RASGRP3: variants seen among roughly 807,000 people sequenced by gnomAD.
RASGRP3 encodes ras guanyl-releasing protein 3.
A neutral mutation model predicts 82.7 loss-of-function variants in RASGRP3; 54 were observed. That is an observed-to-expected ratio of 0.65 (90% CI 0.52 to 0.82). RASGRP3 has a LOEUF of 0.82. RASGRP3 is among the 40% of genes least tolerant of loss of function. The pLI, the probability that RASGRP3 is intolerant of heterozygous loss-of-function variation, is 0.00. For missense variants in RASGRP3, 861 were observed against 828.9 expected, an observed-to-expected ratio of 1.04 and a Z score of -0.48; for synonymous variants, 309 against 300.5, an observed-to-expected ratio of 1.03 and a Z score of -0.29.
chr2:33,548,711 A>T (rs182960626), intron 13 of RASGRP3, among the ~76,000 whole-genome samples: 15 of 152,020 alleles, frequency 9.9e-5, no homozygotes, highest in Non-Finnish European at 1.8e-4. Context: ...TATTATTATT[A>T]TTATTATTTT....
chr2:33,538,829 A>T (rs1296166077), intron 11 of RASGRP3, among the ~76,000 whole-genome samples: 1 of 152,140 alleles, frequency 6.6e-6, no homozygotes, highest in Non-Finnish European at 1.5e-5. Context: ...GCTTGAGCCC[A>T]GGAGTTAGAG....
intron 2 of RASGRP3, among the ~76,000 whole-genome samples, chr2:33,468,353 T>C (rs2150910851): frequency 6.6e-6 from 1 of 152,310 alleles, no homozygotes; most frequent in African/African-American, 2.4e-5. Context: ...GTAACTTTTA[T>C]ATCTCACTTA....
chr2:33,502,323 G>T (rs1307721861), intron 1 of RASGRP3, among the ~76,000 whole-genome samples: 1 of 151,952 alleles, frequency 6.6e-6, no homozygotes, highest in Admixed American at 6.6e-5. Flanking sequence ...GGGGGGTGTA[G>T]ATACCTTCAC....
chr2:33,524,679 G>C lies in RASGRP3; in HGVS notation c.807+131G>C. Reference sequence around the variant, plus strand: ...TTAAACCAGTGGTAGGTTATAAATGGGGACAAAGTAGAAAGGGAATAACCA... The same window carrying C: ...TTAAACCAGTGGTAGGTTATAAATGCGGACAAAGTAGAAAGGGAATAACCA... On this transcript the variant is annotated intron_variant, in intron 9 of 17. Transcript: ENST00000403687. The C allele has an allele frequency of 6.1e-6, 4 of 658,370 alleles. No homozygotes were observed. The South Asian group carries it at 8.3e-5, about 14-fold the overall frequency. 40.8% of individuals were successfully genotyped at this position (658,370 alleles called of 1,614,324 possible).
intron 10 of RASGRP3, among the ~76,000 whole-genome samples, chr2:33,529,138 T>G (rs909389692): frequency 3.9e-5 from 6 of 152,080 alleles, no homozygotes; most frequent in Non-Finnish European, 5.9e-5. Flanking sequence ...GAGTTATAAA[T>G]GAAACAAGCA....
chr2:33,499,562 A>G (rs985769624), intron 1 of RASGRP3, among the ~76,000 whole-genome samples: 3 of 152,296 alleles, frequency 2.0e-5, no homozygotes, highest in Admixed American at 2.0e-4. Context: ...GCATCTCAAA[A>G]CAAAACAAAA....
rs557538729 is a variant in RASGRP3, at chr2:33,540,797, T to C, written c.1278+1587T>C. On this transcript the variant is annotated intron_variant, in intron 12 of 17. Coordinates refer to ENST00000403687, the MANE Select transcript of RASGRP3 (RefSeq NM_001139488.2). ...AATATGGATGTTAAACTATAAATAG[T>C]AGGCATTCCAAAATAGTTAACTTTT... is the stretch of plus-strand genomic sequence containing the variant. Among the ~76,000 whole-genome samples the C allele has an allele frequency of 4.1e-5, 6 of 145,860 alleles. 1 individual carries two copies. Among genetic ancestry groups the C allele is most frequent in the Admixed American group, 1.4e-4 (2 of 14,002 alleles).
chr2:33,505,262 G>T (rs1030002024), intron 1 of RASGRP3, among the ~76,000 whole-genome samples: 7 of 151,542 alleles, frequency 4.6e-5, no homozygotes, highest in African/African-American at 7.3e-5. Flanking sequence ...GGGAATTTGA[G>T]ACCAGGTACT....
rs963977702 is a variant in RASGRP3, at chr2:33,563,067, C to T, written c.*330C>T. 9.5e-6 allele frequency: 3 copies of T among 314,344 alleles called. No homozygotes were observed. The highest frequency in any genetic ancestry group is 7.4e-5 in the African/African-American group (3 of 40,388). 19.5% of individuals were successfully genotyped at this position (314,344 alleles called of 1,614,324 possible). A position where few individuals can be genotyped will look rare whatever the true frequency, so the allele number is the denominator to read the frequency against. ...AAAGCTTTTTTGCATGTACTTGATA[C>T]TCAGTCTGTAAACTCAGACTTCGCT... On this transcript the variant is annotated 3_prime_UTR_variant, in exon 18 of 18. Coordinates refer to ENST00000403687, the MANE Select transcript of RASGRP3 (RefSeq NM_001139488.2).
At chr2:33,544,655 A>G (rs1352578934) in intron 13 of RASGRP3, among the ~76,000 whole-genome samples, 1 of 152,210 alleles carries the variant, frequency 6.6e-6, no homozygotes, top group Non-Finnish European at 1.5e-5. Flanking sequence ...AAATTAAATT[A>G]CATTAAAATT....
intron 4 of RASGRP3, 84 bp from the exon 5 acceptor site, chr2:33,519,868 G>A: frequency 2.2e-6 from 2 of 916,770 alleles, no homozygotes; most frequent in South Asian, 1.5e-5. Flanking sequence ...CCTCTTATTA[G>A]GAATTGGTAT....
rs78487506 is a variant in RASGRP3 at position 33,458,507 on chromosome 2, C to A, written c.-261+10564C>A. On this transcript the variant is annotated intron_variant, in intron 2 of 18. Coordinates refer to the RASGRP3 transcript ENST00000402538. ...TCACTACAAAGCCCCAGATCAAACT[C>A]TGTGGTGAAGCCGTGTAATTCAGAA... Among the ~76,000 whole-genome samples the A allele has an allele frequency of 6.5e-3, 990 of 152,258 alleles. 9 individuals carry two copies. The highest frequency in any genetic ancestry group is 0.023 in the African/African-American group (955 of 41,528).
chr2:33,479,300 G>A lies in RASGRP3; in HGVS notation c.-261+2593G>A, dbSNP rs962176285. On this transcript the variant is annotated intron_variant, in intron 1 of 17. Transcript: ENST00000403687. ...TAGTTCAGTGACGGTCTTGATGTTG[G>A]TAAGAACAGCAACCGGGAACTTTGT... is the stretch of plus-strand genomic sequence containing the variant. 4.6e-5 allele frequency among the ~76,000 whole-genome samples: 7 copies of A among 152,136 alleles called. No individual in the cohort carries two copies. In the South Asian group the frequency reaches 1.4e-3, roughly 31 times the overall value.
intron 9 of RASGRP3, 96 bp downstream of exon 9, chr2:33,524,644 A>T: frequency 1.1e-6 from 1 of 940,908 alleles, no homozygotes. Flanking sequence ...AGAGTGGGAA[A>T]GTTTTCCTCT....
intron 1 of RASGRP3, among the ~76,000 whole-genome samples, chr2:33,507,197 C>A (rs1380904570): frequency 6.6e-6 from 1 of 152,168 alleles, no homozygotes; most frequent in Non-Finnish European, 1.5e-5. Context: ...GGAATTCAGA[C>A]CATCCTGGCC....
At chr2:33,539,888 A>T (rs4355083) in intron 12 of RASGRP3, 122,584 of 152,052 alleles carry the variant, frequency 0.81, 49,594 homozygotes, top group African/African-American at 0.88. Flanking sequence ...CTCAGGAGGC[A>T]GAGGCAGGAG....
At chr2:33,458,847 G>A (rs762767454) in intron 2 of RASGRP3, among the ~76,000 whole-genome samples, 2 of 152,192 alleles carry the variant, frequency 1.3e-5, no homozygotes, top group Admixed American at 6.5e-5. Context: ...TTACCCACTC[G>A]GCAGTTGATT....
intron 1 of RASGRP3, among the ~76,000 whole-genome samples, chr2:33,493,930 A>G (rs966232427): frequency 1.3e-5 from 2 of 152,156 alleles, no homozygotes; most frequent in Non-Finnish European, 2.9e-5. Flanking sequence ...GCTTCGTGTC[A>G]GAAGACCCAG....
chr2:33,452,605 A>G (rs558769941), intron 2 of RASGRP3, among the ~76,000 whole-genome samples: 1 of 152,220 alleles, frequency 6.6e-6, no homozygotes, highest in African/African-American at 2.4e-5. Flanking sequence ...CCTGTCCATG[A>G]GATGGACCTT....
Sources: gnomAD v4.1 joint callset for allele counts (sites outside exome capture counted in the v4.1 genomes callset) on GRCh38, gnomAD v4.1.1 for gene constraint, MANE v1.5 for transcripts, NCBI Gene and HGNC (gene_info 2026-07-23, HGNC 2026-07-21) for gene names.